KCNIP4: variants seen among roughly 807,000 people sequenced by gnomAD.
KCNIP4 encodes potassium voltage-gated channel interacting protein 4.
Under a neutral mutation model 34.0 loss-of-function variants are expected in KCNIP4, and 12 were observed. The ratio of observed to expected loss-of-function variants is 0.35; its 90% CI spans 0.23 to 0.57. KCNIP4 has a LOEUF of 0.57. KCNIP4 is among the 20% of genes least tolerant of loss of function. The pLI, the probability that KCNIP4 is intolerant of heterozygous loss-of-function variation, is 0.83. For missense variants in KCNIP4, 238 were observed against 311.7 expected (o/e 0.76, Z 1.78); for synonymous variants, 124 against 102.2 (o/e 1.21, Z -1.29).
chr4:21,606,374 T>C (rs924645873), intron 1 of KCNIP4, among the ~76,000 whole-genome samples: 10 of 152,172 alleles, frequency 6.6e-5, no homozygotes, highest in South Asian at 4.1e-4. Context: ...CTGGGAACAG[T>C]AGTCAGCAGA....
chr4:21,671,190 T>C (rs1404286881), intron 1 of KCNIP4, among the ~76,000 whole-genome samples: 2 of 152,222 alleles, frequency 1.3e-5, no homozygotes, highest in African/African-American at 2.4e-5. Flanking sequence ...AATGTGTCAC[T>C]AAAATATTAA....
chr4:20,848,924 G>A (rs969810014), intron 3 of KCNIP4, among the ~76,000 whole-genome samples: 2 of 151,956 alleles, frequency 1.3e-5, no homozygotes, highest in African/African-American at 4.8e-5. Context: ...ACTGACTTTT[G>A]GCCCAGATTG....
rs992581580 is a variant in KCNIP4, at chr4:21,717,753, T to G, written c.61+230818A>C. On this transcript the variant is annotated intron_variant, in intron 1 of 8. Coordinates refer to ENST00000382152, the MANE Select transcript of KCNIP4 (RefSeq NM_025221.6). ...CCTCCTATGTTTTCTGTTTCAAGGCTCTTGATCACTGTCATTTTCATTGGC... is the reference window on the plus strand; with the variant it reads ...CCTCCTATGTTTTCTGTTTCAAGGCGCTTGATCACTGTCATTTTCATTGGC... 2.0e-5 allele frequency among the ~76,000 whole-genome samples: 3 copies of G among 152,222 alleles called. No homozygotes were observed. In the East Asian group the frequency reaches 5.8e-4, roughly 29 times the overall value.
chr4:21,064,903 A>G (rs1314215398), intron 1 of KCNIP4, among the ~76,000 whole-genome samples: 7 of 152,242 alleles, frequency 4.6e-5, no homozygotes, highest in Non-Finnish European at 1.0e-4. Context: ...GCACAATTTA[A>G]TTCCAAAACA....
chr4:21,467,073 A>ACACAC (rs1730022810), intron 1 of KCNIP4, among the ~76,000 whole-genome samples: 55 of 139,838 alleles, frequency 3.9e-4, no homozygotes, highest in Admixed American at 1.5e-3. Context: ...AACCAAAACA[A>ACACAC]ACACACACAC....
chr4:21,108,661 G>A (rs1350178456), intron 1 of KCNIP4, among the ~76,000 whole-genome samples: 1 of 151,728 alleles, frequency 6.6e-6, no homozygotes, highest in Non-Finnish European at 1.5e-5. Context: ...TCCTTTGGAG[G>A]AGGAGAGGCA....
chr4:21,239,614 A>C (rs959164406), intron 1 of KCNIP4, among the ~76,000 whole-genome samples: 1 of 152,250 alleles, frequency 6.6e-6, no homozygotes, highest in South Asian at 2.1e-4. Context: ...GCCAACAGAC[A>C]CATGAAAAAA....
chr4:20,938,209 T>C (rs1465406376), intron 1 of KCNIP4, among the ~76,000 whole-genome samples: 2 of 151,906 alleles, frequency 1.3e-5, no homozygotes, highest in Non-Finnish European at 2.9e-5. Context: ...GTTTTTTTTT[T>C]TTTTTCAGCA....
intron 1 of KCNIP4, among the ~76,000 whole-genome samples, chr4:21,529,192 A>G (rs1406315053): frequency 2.6e-5 from 4 of 152,190 alleles, no homozygotes; most frequent in Admixed American, 2.0e-4. Context: ...GCCCATAGAC[A>G]TTATTTGCTG....
intron 1 of KCNIP4, among the ~76,000 whole-genome samples, chr4:20,886,417 T>G (rs1371055554): frequency 1.3e-5 from 2 of 152,150 alleles, no homozygotes; most frequent in Non-Finnish European, 2.9e-5. Flanking sequence ...AGAATTGATG[T>G]ATGCGTGTGT....
In KCNIP4 at chr4:20,929,879, A is replaced by G. The variant is rs148589828; in HGVS notation, c.62-47170T>C. On this transcript the variant is annotated intron_variant, in intron 1 of 8. Transcript: ENST00000382152. ...ATAAAAAAAGTTGAAGAAGACACAT[A>G]TAAATAGAATAATATTCTGTGTTCA... Among the ~76,000 whole-genome samples, 274 of 152,170 alleles carry G rather than the reference A, an allele frequency of 1.8e-3. 2 individuals carry two copies. Among genetic ancestry groups the G allele is most frequent in the African/African-American group, 6.3e-3 (262 of 41,560 alleles).
intron 1 of KCNIP4, among the ~76,000 whole-genome samples, chr4:21,530,901 C>T (rs1450778463): frequency 6.6e-6 from 1 of 152,130 alleles, no homozygotes; most frequent in African/African-American, 2.4e-5. Flanking sequence ...AAGGTATGAG[C>T]TACACTCACA....
chr4:20,982,278 G>C (rs925325985), intron 1 of KCNIP4, among the ~76,000 whole-genome samples: 17 of 152,124 alleles, frequency 1.1e-4, no homozygotes, highest in Non-Finnish European at 1.9e-4. Context: ...GAAGTTGGGG[G>C]CTGTGGCTCA....
chr4:21,255,114 T>C (rs1021723161), intron 1 of KCNIP4, among the ~76,000 whole-genome samples: 3 of 152,042 alleles, frequency 2.0e-5, no homozygotes, highest in Non-Finnish European at 4.4e-5. Context: ...CATTTAATCT[T>C]TGCACCTCCC....
At chr4:21,724,280 C>T (rs1715031395) in intron 1 of KCNIP4, among the ~76,000 whole-genome samples, 1 of 152,048 alleles carries the variant, frequency 6.6e-6, no homozygotes. Flanking sequence ...GTCTGAACTC[C>T]AGCTTTCCAA....
At chr4:21,388,067 T>G (rs1289146916) in intron 1 of KCNIP4, among the ~76,000 whole-genome samples, 1 of 152,076 alleles carries the variant, frequency 6.6e-6, no homozygotes, top group African/African-American at 2.4e-5. Flanking sequence ...AGAGGGCTGC[T>G]TTGAGCCTGA....
chr4:21,072,734 G>A (rs1362789351), intron 1 of KCNIP4, among the ~76,000 whole-genome samples: 1 of 151,638 alleles, frequency 6.6e-6, no homozygotes, highest in Non-Finnish European at 1.5e-5. Context: ...CCTATGTCCT[G>A]AATGGTATTG....
At chr4:21,237,991 G>T (rs1176569160) in intron 1 of KCNIP4, among the ~76,000 whole-genome samples, 2 of 152,058 alleles carry the variant, frequency 1.3e-5, no homozygotes, top group African/African-American at 4.8e-5. Context: ...TAAAATACTG[G>T]CAAACCGAAT....
intron 1 of KCNIP4, among the ~76,000 whole-genome samples, chr4:20,951,073 A>G (rs79408798): frequency 0.013 from 1,981 of 152,234 alleles, 21 homozygotes; most frequent in Non-Finnish European, 0.019. Flanking sequence ...TAGGATTAGT[A>G]TCTTTATAAG....
Sources: gnomAD v4.1 joint callset for allele counts (sites outside exome capture counted in the v4.1 genomes callset) on GRCh38, gnomAD v4.1.1 for gene constraint, MANE v1.5 for transcripts, NCBI Gene and HGNC (gene_info 2026-07-23, HGNC 2026-07-21) for gene names.